Variants in MID1 observed in about 807,000 individuals in gnomAD.
MID1 encodes midline 1, also known as E3 ubiquitin-protein ligase Midline-1.
Under a neutral mutation model 40.4 loss-of-function variants are expected in MID1, and 7 were observed. The observed-to-expected ratio is 0.17, with a 90% CI of 0.10 to 0.33. MID1 has a LOEUF of 0.33. Among genes scored for constraint, MID1 ranks in the 10% least tolerant of loss-of-function variants. The probability of loss-of-function intolerance (pLI) is 1.00; values close to 1 mark genes in which losing one functional copy is unlikely to be tolerated. For missense variants in MID1, 367 were observed against 558.5 expected (o/e 0.66, Z 3.46); for synonymous variants, 229 against 221.2 (o/e 1.04, Z -0.31).
intron 1 of MID1, among the ~76,000 whole-genome samples, chrX:10,830,606 A>G (rs962741084): frequency 8.9e-6 from 1 of 112,752 alleles, no homozygotes; most frequent in African/African-American, 3.2e-5. Context: ...TTTGAATTTA[A>G]CAAATAACCT....
chrX:10,493,619 G>A (rs775923500), intron 4 of MID1, among the ~76,000 whole-genome samples: 12 of 111,660 alleles, frequency 1.1e-4, no homozygotes, highest in Non-Finnish European at 1.9e-4. Flanking sequence ...TCTATTGCAT[G>A]GCATGGTGAA....
chrX:10,719,330 A>G (rs1224863856), intron 1 of MID1, among the ~76,000 whole-genome samples: 1 of 111,821 alleles, frequency 8.9e-6, no homozygotes, highest in South Asian at 3.7e-4. Flanking sequence ...CCTTAAGCTG[A>G]TAAGCAACTT....
rs375373622 is a variant in MID1 at position 10,728,535 on chromosome X, G to A, written c.-187+105019C>T. The stretch of plus-strand genomic sequence containing the variant: ...ATGTTTGCTTCTATTATATTAATAG[G>A]CTACTTTTTTAAAACTACTAAGCTA... On this transcript the variant is annotated intron_variant, in intron 1 of 10. Coordinates refer to the MID1 transcript ENST00000380785. 2.2e-4 allele frequency among the ~76,000 whole-genome samples: 25 copies of A among 112,226 alleles called. No homozygotes were observed. In the East Asian group the frequency reaches 5.3e-3, roughly 24 times the overall value.
chrX:10,698,791 T>C (rs1177600158), intron 1 of MID1, among the ~76,000 whole-genome samples: 1 of 109,402 alleles, frequency 9.1e-6, no homozygotes, highest in African/African-American at 3.3e-5. Flanking sequence ...AGGCAGGGAA[T>C]GCAGGGAATA....
intron 1 of MID1, among the ~76,000 whole-genome samples, chrX:10,720,462 G>A (rs1201728416): frequency 8.9e-6 from 1 of 112,128 alleles, no homozygotes; most frequent in African/African-American, 3.2e-5. Context: ...CATCATCACT[G>A]GCCATCAGAG....
At chrX:10,718,069 C>T (rs2043319390) in intron 1 of MID1, among the ~76,000 whole-genome samples, 1 of 111,754 alleles carries the variant, frequency 8.9e-6, no homozygotes, top group Non-Finnish European at 1.9e-5. Flanking sequence ...AAATTTATAG[C>T]ACTAAATGCC....
In MID1 at chrX:10,808,975, TCA is replaced by T. The variant is rs1245677694; in HGVS notation, c.-187+24577_-187+24578del. ...TTCCGCACAGCAAAAGAAACTATCA[TCA>T]GAGTGAACAGGCAACCTACAGAATG... On this transcript the variant is annotated intron_variant, in intron 1 of 10. Coordinates refer to the MID1 transcript ENST00000380785. Among the ~76,000 whole-genome samples, 6 of 111,548 alleles carry T rather than the reference TCA, an allele frequency of 5.4e-5. No individual in the cohort carries two copies. In the East Asian group the frequency reaches 1.7e-3, roughly 31 times the overall value.
intron 1 of MID1, among the ~76,000 whole-genome samples, chrX:10,684,377 TTTTCTTTCTTTCTTTCTTTCTC>T (rs2043079322): frequency 3.7e-5 from 4 of 107,976 alleles, no homozygotes; most frequent in Admixed American, 3.0e-4. Context: ...CTCTCTTTTC[TTTTCTTTCTTTCTTTCTTTCTC>T]TTTCTTTTCT....
chrX:10,540,318 C>T (rs1369068401), intron 2 of MID1, among the ~76,000 whole-genome samples: 1 of 112,216 alleles, frequency 8.9e-6, no homozygotes, highest in Non-Finnish European at 1.9e-5. Flanking sequence ...CCATATTCTT[C>T]CTAACACCAA....
chrX:10,506,772 A>G (rs898437360), intron 3 of MID1, among the ~76,000 whole-genome samples: 2 of 111,838 alleles, frequency 1.8e-5, no homozygotes, highest in African/African-American at 6.5e-5. Flanking sequence ...TTCAGTTCCA[A>G]TGACTTGTGA....
intron 2 of MID1, among the ~76,000 whole-genome samples, chrX:10,561,757 T>C (rs1264054236): frequency 2.8e-5 from 3 of 106,882 alleles, no homozygotes; most frequent in East Asian, 5.6e-4. Flanking sequence ...AATAGGAATG[T>C]TTTTACACTG....
intron 1 of MID1, among the ~76,000 whole-genome samples, chrX:10,833,124 T>G (rs1296828372): frequency 8.9e-6 from 1 of 112,290 alleles, no homozygotes; most frequent in Non-Finnish European, 1.9e-5. Context: ...ACCTTCAGAC[T>G]GCCTTTTTAG....
chrX:10,764,485 C>T (rs1047639568), intron 1 of MID1, among the ~76,000 whole-genome samples: 2 of 111,711 alleles, frequency 1.8e-5, no homozygotes, highest in African/African-American at 6.5e-5. Context: ...ATTAGCCACA[C>T]TAAAGTTCAA....
intron 1 of MID1, among the ~76,000 whole-genome samples, chrX:10,743,106 G>A (rs1323078141): frequency 2.7e-5 from 3 of 112,903 alleles, no homozygotes; most frequent in African/African-American, 9.7e-5. Context: ...CTGTTCTAGA[G>A]AACAGACTGC....
chrX:10,560,255 TGAA>T (rs1302234987), intron 2 of MID1, among the ~76,000 whole-genome samples: 1 of 109,949 alleles, frequency 9.1e-6, no homozygotes, highest in East Asian at 2.9e-4. Flanking sequence ...GAAGAGGACT[TGAA>T]AATTTCACTC....
At chrX:10,493,150 C>T (rs6640658) in intron 4 of MID1, among the ~76,000 whole-genome samples, 7,692 of 111,436 alleles carry the variant, frequency 0.069, 557 homozygotes, top group African/African-American at 0.21. Flanking sequence ...TTAAGGATCA[C>T]GAGATGGGGA....
chrX:10,763,575 T>C (rs181039701), intron 1 of MID1, among the ~76,000 whole-genome samples: 76 of 111,802 alleles, frequency 6.8e-4, no homozygotes, highest in African/African-American at 2.4e-3. Context: ...TTGATGAACA[T>C]TTGGGTTGGT....
chrX:10,797,836 T>G lies in MID1; in HGVS notation c.-187+35718A>C, dbSNP rs751541286. Among the ~76,000 whole-genome samples, 11 of 111,669 alleles carry G rather than the reference T, an allele frequency of 9.9e-5. No homozygotes were observed. The South Asian group carries it at 3.8e-3, about 39-fold the overall frequency. On this transcript the variant is annotated intron_variant, in intron 1 of 10. Transcript: ENST00000380785. The stretch of plus-strand genomic sequence containing the variant: ...ATGCAAAAACCCACGTTCGATGCAT[T>G]GTTACTCCTTAAAAATCTCCCCAGT...
chrX:10,501,374 A>T (rs1270136662), intron 3 of MID1: 5 of 1,136,897 alleles, frequency 4.4e-6, no homozygotes, highest in Admixed American at 2.6e-5. Context: ...ACCTCATCTC[A>T]TTTTTGACCT....
Sources: allele counts gnomAD v4.1 joint callset (sites outside exome capture counted in the v4.1 genomes callset), GRCh38; gene constraint gnomAD v4.1.1; transcripts MANE v1.5; gene names NCBI Gene and HGNC (gene_info 2026-07-23, HGNC 2026-07-21).